Variants in RAB28 observed in about 807,000 individuals in gnomAD.
RAB28 encodes ras-related protein Rab-28.
A neutral mutation model predicts 31.7 loss-of-function variants in RAB28; 24 were observed. The observed-to-expected ratio is 0.76, with a 90% CI of 0.55 to 1.06. The LOEUF (loss-of-function observed/expected upper bound fraction) is 1.06. RAB28 is among the 50% of genes least tolerant of loss of function. The probability of loss-of-function intolerance (pLI) is 0.00; values close to 1 mark genes in which losing one functional copy is unlikely to be tolerated. For synonymous variants in RAB28, 100 were observed against 90.4 expected (o/e 1.11, Z -0.60); for missense variants, 254 against 258.5 (o/e 0.98, Z 0.12).
intron 3 of RAB28, among the ~76,000 whole-genome samples, chr4:13,464,309 C>T (rs1162910068): frequency 6.6e-6 from 1 of 152,046 alleles, no homozygotes; most frequent in South Asian, 2.1e-4. Flanking sequence ...GTGAAATATG[C>T]CCAGAGCATT....
intron 4 of RAB28, among the ~76,000 whole-genome samples, chr4:13,454,637 T>C (rs558694557): frequency 7.2e-5 from 11 of 151,980 alleles, no homozygotes; most frequent in Non-Finnish European, 1.0e-4. Flanking sequence ...TGGCCAAGGC[T>C]GAGAGAGTAT....
At chr4:13,479,005 A>G (rs995365588) in intron 2 of RAB28, among the ~76,000 whole-genome samples, 6 of 151,696 alleles carry the variant, frequency 4.0e-5, no homozygotes, top group East Asian at 3.9e-4. Context: ...CCATAGCTAC[A>G]TTATACTTCT....
intron 4 of RAB28, among the ~76,000 whole-genome samples, chr4:13,435,478 G>C (rs891841254): frequency 3.3e-5 from 5 of 151,964 alleles, no homozygotes; most frequent in Non-Finnish European, 7.4e-5. Context: ...CTGATAGACT[G>C]CCAGATAAAT....
In RAB28 at chr4:13,376,533, C is replaced by A. The variant is rs751745990; in HGVS notation, c.573+12G>T. ...TCATTAATTTTTTAAATATAAAGTT[C>A]AAGGTAATCACCTGTGACTGTTCTA... On this transcript the variant is annotated intron_variant, in intron 6 of 6. Transcript: ENST00000330852. The A allele has an allele frequency of 6.4e-7, 1 of 1,569,056 alleles. No homozygotes were observed. Among genetic ancestry groups the A allele is most frequent in the Non-Finnish European group, 8.6e-7 (1 of 1,157,290 alleles).
chr4:13,403,093 A>C (rs7673732), intron 4 of RAB28, among the ~76,000 whole-genome samples: 14,256 of 152,008 alleles, frequency 0.094, 1,309 homozygotes, highest in African/African-American at 0.24. Context: ...GTGCGCCCGG[A>C]CCCTGGCTCA....
intron 4 of RAB28, among the ~76,000 whole-genome samples, chr4:13,418,363 G>T (rs1318107922): frequency 6.6e-6 from 1 of 152,134 alleles, no homozygotes; most frequent in Non-Finnish European, 1.5e-5. Flanking sequence ...CCCCAACCCA[G>T]CAAGGCAGGC....
chr4:13,462,942 C>G (rs1468623786), intron 3 of RAB28, among the ~76,000 whole-genome samples: 1 of 152,216 alleles, frequency 6.6e-6, no homozygotes, highest in Non-Finnish European at 1.5e-5. Flanking sequence ...GAAAAGAGCT[C>G]TACGCTGGAA....
intron 4 of RAB28, among the ~76,000 whole-genome samples, chr4:13,391,036 A>G (rs1024903237): frequency 1.3e-5 from 2 of 152,202 alleles, no homozygotes; most frequent in Admixed American, 1.3e-4. Flanking sequence ...AATGGCAACA[A>G]AAGACAAAAT....
chr4:13,386,420 AAC>A (rs574920853), intron 4 of RAB28, among the ~76,000 whole-genome samples: 240 of 152,214 alleles, frequency 1.6e-3, no homozygotes, highest in African/African-American at 5.5e-3. Context: ...AAGAAAAAAA[AAC>A]AGCTCAATTA....
chr4:13,372,479 A>G (rs947053552), intron 6 of RAB28, among the ~76,000 whole-genome samples: 7 of 152,118 alleles, frequency 4.6e-5, no homozygotes, highest in African/African-American at 1.7e-4. Context: ...CATGATCTCT[A>G]AAGTCCCATC....
chr4:13,445,865 T>C (rs913895228), intron 4 of RAB28, among the ~76,000 whole-genome samples: 16 of 152,178 alleles, frequency 1.1e-4, no homozygotes, highest in African/African-American at 3.4e-4. Context: ...GTCTGTTCCT[T>C]AGCAGAGCTG....
intron 4 of RAB28, among the ~76,000 whole-genome samples, chr4:13,454,060 C>T (rs1715155859): frequency 6.6e-6 from 1 of 151,794 alleles, no homozygotes; most frequent in African/African-American, 2.4e-5. Flanking sequence ...TTTGTCTGTG[C>T]TATTTCAAAA....
chr4:13,419,134 A>C (rs192936596), intron 4 of RAB28, among the ~76,000 whole-genome samples: 33 of 152,328 alleles, frequency 2.2e-4, no homozygotes, highest in Non-Finnish European at 4.4e-4. Flanking sequence ...AAAAAAACAA[A>C]GATCAAAAAA....
intron 4 of RAB28, among the ~76,000 whole-genome samples, chr4:13,438,601 A>C (rs1207875966): frequency 1.3e-5 from 2 of 152,204 alleles, no homozygotes; most frequent in Non-Finnish European, 2.9e-5. Context: ...TATAGCATGT[A>C]TCAGTATGTC....
chr4:13,398,777 CA>C (rs869245506), intron 4 of RAB28, among the ~76,000 whole-genome samples: 8,248 of 74,732 alleles, frequency 0.11, 418 homozygotes, highest in African/African-American at 0.25. Context: ...GACTCCGTTT[CA>C]AAAAAAAAAA....
At chr4:13,419,763 G>T (rs769884096) in intron 4 of RAB28, among the ~76,000 whole-genome samples, 75 of 152,142 alleles carry the variant, frequency 4.9e-4, no homozygotes, top group Non-Finnish European at 4.4e-4. Flanking sequence ...TGTGTAGAGG[G>T]AAATTCATAG....
intron 4 of RAB28, among the ~76,000 whole-genome samples, chr4:13,436,253 C>G (rs1437359335): frequency 6.6e-6 from 1 of 152,236 alleles, no homozygotes; most frequent in African/African-American, 2.4e-5. Flanking sequence ...CAACATCACA[C>G]TAAACAGGCA....
At chr4:13,390,094 T>C (rs1286144958) in intron 4 of RAB28, among the ~76,000 whole-genome samples, 1 of 152,050 alleles carries the variant, frequency 6.6e-6, no homozygotes, top group Non-Finnish European at 1.5e-5. Context: ...AGGTATTAAA[T>C]TAGGAAAAGA....
chr4:13,456,728 T>C (rs1715321938), intron 4 of RAB28, among the ~76,000 whole-genome samples: 1 of 152,184 alleles, frequency 6.6e-6, no homozygotes, highest in African/African-American at 2.4e-5. Flanking sequence ...TTTTAATAAC[T>C]GTACATTTTT....
Sources: allele counts gnomAD v4.1 joint callset (sites outside exome capture counted in the v4.1 genomes callset), GRCh38; gene constraint gnomAD v4.1.1; transcripts MANE v1.5; gene names NCBI Gene and HGNC (gene_info 2026-07-23, HGNC 2026-07-21).